The following PKHD1 variants were observed in gnomAD, a reference collection of about 807,000 sequenced individuals.
The protein encoded by PKHD1 is fibrocystin.
In PKHD1, 291 loss-of-function variants were observed where a neutral mutation model predicts 412.0. That is an observed-to-expected ratio of 0.71 (90% CI 0.64 to 0.78). The LOEUF is 0.78. Among genes scored for constraint, PKHD1 ranks in the 30% least tolerant of loss-of-function variants. The pLI is 0.00. For synonymous variants in PKHD1, 1,777 were observed against 1,821.5 expected, an observed-to-expected ratio of 0.98 and a Z score of 0.62; for missense variants, 4,825 against 4,950.7, an observed-to-expected ratio of 0.97 and a Z score of 0.76.
At chr6:51,770,536 T>C (rs865778748) in intron 55 of PKHD1, among the ~76,000 whole-genome samples, 12 of 152,066 alleles carry the variant, frequency 7.9e-5, no homozygotes, top group Middle Eastern at 3.5e-3. Context: ...TTAACAAATA[T>C]TTTGTTTCTG....
At chr6:51,697,006 T>C (rs1778879570) in intron 60 of PKHD1, among the ~76,000 whole-genome samples, 1 of 152,072 alleles carries the variant, frequency 6.6e-6, no homozygotes, top group Non-Finnish European at 1.5e-5. Flanking sequence ...CTGGCCAACA[T>C]GGTGAAACCC....
At chr6:51,818,517 G>A (rs982874709) in intron 52 of PKHD1, among the ~76,000 whole-genome samples, 3 of 152,252 alleles carry the variant, frequency 2.0e-5, no homozygotes, top group Middle Eastern at 3.4e-3. Context: ...TCTTTCTTGG[G>A]CATGCCCTCT....
intron 60 of PKHD1, among the ~76,000 whole-genome samples, chr6:51,670,217 G>A (rs1321769897): frequency 6.6e-6 from 1 of 151,514 alleles, no homozygotes; most frequent in Non-Finnish European, 1.5e-5. Flanking sequence ...CTTGCTTTAT[G>A]AATCTGGGTG....
intron 22 of PKHD1, 124 bp from the exon 23 acceptor site, chr6:52,048,743 G>A: frequency 4.5e-6 from 5 of 1,111,232 alleles, no homozygotes; most frequent in Non-Finnish European, 6.7e-6. Context: ...AGGGACCTGA[G>A]GAAACTCAGT....
chr6:52,047,021 C>T (rs373114621), intron 23 of PKHD1, among the ~76,000 whole-genome samples: 2 of 152,198 alleles, frequency 1.3e-5, no homozygotes, highest in East Asian at 1.9e-4. Flanking sequence ...AAATTGCAAA[C>T]GAAATTGTTA....
Position 52,048,439 on chromosome 6 carries a change from T to A in PKHD1, c.2407+53A>T, listed in dbSNP as rs77638522. ...TCCCAGGATGTTGTTCCCTTGGGAA[T>A]GTGAGTGAGAATATGTGAGTGAGAA... On this transcript the variant is annotated intron_variant, in intron 23 of 66. Transcript: ENST00000371117. 4 of 1,568,350 alleles carry A rather than the reference T, an allele frequency of 2.6e-6. No individual in the cohort carries two copies. In the East Asian group the frequency reaches 9.0e-5, roughly 35 times the overall value.
At chr6:51,770,863 C>A (rs1002336420) in intron 55 of PKHD1, among the ~76,000 whole-genome samples, 19 of 152,036 alleles carry the variant, frequency 1.2e-4, no homozygotes, top group Admixed American at 7.9e-4. Flanking sequence ...AAACACTAAT[C>A]TAGGTGTTAC....
At chr6:51,768,172 T>C (rs904660911) in intron 55 of PKHD1, among the ~76,000 whole-genome samples, 2 of 152,112 alleles carry the variant, frequency 1.3e-5, no homozygotes, top group Admixed American at 1.3e-4. Context: ...TTGTTTTTTT[T>C]TTCTTGAAAA....
intron 31 of PKHD1, among the ~76,000 whole-genome samples, chr6:52,026,599 C>T (rs1164639429): frequency 6.6e-6 from 1 of 152,136 alleles, no homozygotes; most frequent in Non-Finnish European, 1.5e-5. Context: ...AACTTATATG[C>T]TAATGAAAAA....
At chr6:51,996,934 G>A (rs1259761698) in intron 35 of PKHD1, among the ~76,000 whole-genome samples, 1 of 152,186 alleles carries the variant, frequency 6.6e-6, no homozygotes, top group Non-Finnish European at 1.5e-5. Flanking sequence ...CCAGGTATTT[G>A]GGATGGGATT....
In PKHD1 at chr6:51,659,510, AT is replaced by A. The variant is rs1386902530; in HGVS notation, c.10615del (p.Met3539TrpfsTer29). ...ESIGANYFNI[M>X]DNLLYVVLQG... Reference sequence around the variant, plus strand: ...TAGGACAACATACAAGAGGTTATCCATGATGTTGAAATAGTTGGCACCAATA... The same window carrying A: ...TAGGACAACATACAAGAGGTTATCCAGATGTTGAAATAGTTGGCACCAATA... On this transcript the variant is annotated frameshift_variant, in exon 61 of 67. Coordinates refer to ENST00000371117, the MANE Select transcript of PKHD1 (RefSeq NM_138694.4). LOFTEE classifies it high-confidence loss of function. 6.2e-7 allele frequency: 1 copy of A among 1,613,456 alleles called. No individual in the cohort carries two copies. The highest frequency in any genetic ancestry group is 8.5e-7 in the Non-Finnish European group (1 of 1,179,722).
rs180885863 is a variant in PKHD1, at chr6:51,832,311, G to A, written c.8174-1322C>T. On this transcript the variant is annotated intron_variant, in intron 51 of 66. Transcript: ENST00000371117. ...CCTTAGAAGTTATTCAGGTAAAGGG[G>A]AGGTTGTGATGAGTGTATGACAAGA... is the stretch of plus-strand genomic sequence containing the variant. 2.6e-5 allele frequency among the ~76,000 whole-genome samples: 4 copies of A among 152,196 alleles called. No homozygotes were observed. The East Asian group carries it at 7.7e-4, about 29-fold the overall frequency.
At chr6:51,862,736 C>T (rs1031335682) in intron 48 of PKHD1, among the ~76,000 whole-genome samples, 21 of 152,124 alleles carry the variant, frequency 1.4e-4, no homozygotes, top group Admixed American at 1.3e-3. Flanking sequence ...AGAACACTAA[C>T]CTTTTATTTT....
chr6:51,913,882 G>A (rs1354900246), intron 37 of PKHD1, among the ~76,000 whole-genome samples: 1 of 151,952 alleles, frequency 6.6e-6, no homozygotes, highest in Non-Finnish European at 1.5e-5. Context: ...TATAAGGCAG[G>A]TGAAAATTAA....
intron 52 of PKHD1, among the ~76,000 whole-genome samples, chr6:51,810,457 T>A (rs900832567): frequency 6.6e-6 from 1 of 152,196 alleles, no homozygotes; most frequent in Non-Finnish European, 1.5e-5. Flanking sequence ...GATGCTTCTA[T>A]AAAATAACAG....
Position 52,025,983 on chromosome 6 carries a change from C to T in PKHD1, c.3827G>A (p.Arg1276Lys). The T allele has an allele frequency of 1.2e-6, 2 of 1,614,152 alleles. No individual in the cohort carries two copies. The highest frequency in any genetic ancestry group is 2.2e-5 in the South Asian group (2 of 91,070). ...TGGTGAAGGACCACGGGCGAAGAAC[C>T]TGTTGCCAGCCCAGACCTCCACGGC... ...PAAVEVWAGN[R>K]FFARGPSPSL... The change falls in exon 32 of 67, where the codon AGG (arginine) becomes AAG (lysine). Residue 1276 changes from arginine to lysine, a missense_variant. Physicochemically the swap from Arg to Lys is conservative, Grantham distance 26 (BLOSUM62 2). Transcript: ENST00000371117.
In PKHD1 at chr6:51,959,901, G is replaced by A. The variant is rs955588679; in HGVS notation, c.5877C>T (p.Asn1959=). The A allele has an allele frequency of 2.5e-6, 4 of 1,613,470 alleles. No homozygotes were observed. The highest frequency in any genetic ancestry group is 3.4e-6 in the Non-Finnish European group (4 of 1,179,554). The change falls in exon 36 of 67, where the codon AAC becomes AAT. Residue 1959 remains asparagine (N), a synonymous_variant. Coordinates refer to ENST00000371117, the MANE Select transcript of PKHD1 (RefSeq NM_138694.4). ...ENGQLLLLDT[N]TSILNLLHIK... The stretch of plus-strand genomic sequence containing the variant: ...TGTGCAGTAAGTTGAGGATGCTTGT[G>A]TTAGTGTCCAGCAGAAGCAATTGGC...
Position 51,619,037 on chromosome 6 carries a change from G to T in PKHD1, c.*44C>A. On this transcript the variant is annotated 3_prime_UTR_variant, in exon 67 of 67. Transcript: ENST00000371117. ...CCCCAGCTTATTATCCAGAAATACT[G>T]GGAACATTCTGCCTTTCAGGCCAAA... 1.3e-6 allele frequency: 2 copies of T among 1,553,514 alleles called. No individual in the cohort carries two copies. Among genetic ancestry groups the T allele is most frequent in the South Asian group, 1.1e-5 (1 of 89,520 alleles).
At chr6:51,630,581 G>A (rs766647172) in intron 65 of PKHD1, among the ~76,000 whole-genome samples, 1 of 152,106 alleles carries the variant, frequency 6.6e-6, no homozygotes, top group African/African-American at 2.4e-5. Context: ...ATAGACAAAA[G>A]TTGTTTAGAT....
Sources: gnomAD v4.1 joint callset for allele counts (sites outside exome capture counted in the v4.1 genomes callset) on GRCh38, gnomAD v4.1.1 for gene constraint, MANE v1.5 for transcripts, NCBI Gene and HGNC (gene_info 2026-07-23, HGNC 2026-07-21) for gene names.